Variants in ALK observed in about 807,000 individuals in gnomAD.
ALK encodes the protein ALK tyrosine kinase receptor.
In ALK, 74 loss-of-function variants were observed where a neutral mutation model predicts 163.1. The ratio of observed to expected loss-of-function variants is 0.45; its 90% CI spans 0.38 to 0.55. The LOEUF (loss-of-function observed/expected upper bound fraction) is 0.55, where lower values mean the gene tolerates loss of function less well. Ranked by LOEUF, ALK falls within the 20% of genes least tolerant of loss-of-function variation. The pLI is 0.00. For synonymous variants in ALK, 960 were observed against 843.2 expected, an observed-to-expected ratio of 1.14 and a Z score of -2.40; for missense variants, 2,063 against 2,105.3, an observed-to-expected ratio of 0.98 and a Z score of 0.39.
At chr2:29,531,860 C>G (rs912976121) in intron 4 of ALK, 55 bp downstream of exon 4, 12 of 1,593,754 alleles carry the variant, frequency 7.5e-6, no homozygotes, top group South Asian at 1.1e-5. Flanking sequence ...AAATGTGTAA[C>G]CAAAAGCCAA....
intron 4 of ALK, among the ~76,000 whole-genome samples, chr2:29,475,627 C>A (rs1299192376): frequency 6.6e-6 from 1 of 152,190 alleles, no homozygotes; most frequent in Admixed American, 6.5e-5. Flanking sequence ...AGTGGCTAAG[C>A]CCCTGCTAGC....
intron 4 of ALK, among the ~76,000 whole-genome samples, chr2:29,447,667 G>T (rs1441320807): frequency 6.6e-6 from 1 of 152,208 alleles, no homozygotes; most frequent in Non-Finnish European, 1.5e-5. Flanking sequence ...GTGGCTGGGG[G>T]AGAGGTGGAG....
At chr2:29,297,257 G>C (rs180968223) in intron 8 of ALK, among the ~76,000 whole-genome samples, 200 bp from the exon 9 acceptor site, 1 of 152,276 alleles carries the variant, frequency 6.6e-6, no homozygotes, top group Non-Finnish European at 1.5e-5. Context: ...ATAACTGAAC[G>C]AATCTGTTAA....
At chr2:29,702,383 A>G (rs1328992678) in intron 2 of ALK, among the ~76,000 whole-genome samples, 2 of 152,214 alleles carry the variant, frequency 1.3e-5, no homozygotes, top group Non-Finnish European at 2.9e-5. Context: ...AGCTGGGGGC[A>G]GGACAGGAGC....
chr2:29,785,536 A>G (rs1166077763), intron 1 of ALK, among the ~76,000 whole-genome samples: 1 of 152,278 alleles, frequency 6.6e-6, no homozygotes, highest in South Asian at 2.1e-4. Context: ...CAAAAGTTCC[A>G]TTTGTCCACA....
At chr2:29,567,210 G>C (rs555867831) in intron 3 of ALK, among the ~76,000 whole-genome samples, 1 of 152,174 alleles carries the variant, frequency 6.6e-6, no homozygotes, top group African/African-American at 2.4e-5. Flanking sequence ...AACACCTTTT[G>C]GTTGTCTTAC....
intron 1 of ALK, among the ~76,000 whole-genome samples, chr2:29,909,506 GAGAGAGAGAGAGAA>G (rs1174320761): frequency 6.6e-6 from 1 of 151,384 alleles, no homozygotes; most frequent in African/African-American, 2.4e-5. Context: ...GAGAGAGAGA[GAGAGAGAGAGAGAA>G]TGCTCCACAA....
intron 2 of ALK, among the ~76,000 whole-genome samples, chr2:29,697,446 C>A (rs1158627418): frequency 1.3e-5 from 2 of 152,176 alleles, no homozygotes; most frequent in African/African-American, 2.4e-5. Context: ...ACGTTTGCCC[C>A]ACTTTTAGGG....
intron 5 of ALK, among the ~76,000 whole-genome samples, chr2:29,359,526 G>A (rs1003188853): frequency 1.4e-4 from 21 of 152,144 alleles, no homozygotes; most frequent in Non-Finnish European, 2.6e-4. Flanking sequence ...TATTTCATTA[G>A]GATAATAAAA....
At chr2:29,845,832 TG>T (rs1183237674) in intron 1 of ALK, among the ~76,000 whole-genome samples, 1 of 152,232 alleles carries the variant, frequency 6.6e-6, no homozygotes, top group Non-Finnish European at 1.5e-5. Context: ...TCTTGGGTGC[TG>T]GTGCTCCAAG....
chr2:29,750,697 A>AAGGAAGGAAGGAAGGC lies in ALK; in HGVS notation c.668-33001_668-33000insGCCTTCCTTCCTTCCT, dbSNP rs1402085327. The stretch of plus-strand genomic sequence containing the variant: ...GAAGGAAGGAAGGAAGGAAGGAAGG[A>AAGGAAGGAAGGAAGGC]AGGCAGGCAGGCAGGAAGGAAGGAA... On this transcript the variant is annotated intron_variant, in intron 1 of 28. Transcript: ENST00000389048. Among the ~76,000 whole-genome samples, 95 of 84,586 alleles carry AAGGAAGGAAGGAAGGC rather than the reference A, an allele frequency of 1.1e-3. 1 individual carries two copies. The highest frequency in any genetic ancestry group is 3.5e-3 in the East Asian group (10 of 2,840). 55.5% of individuals were successfully genotyped at this position (84,586 alleles called of 152,430 possible). A position where few individuals can be genotyped will look rare whatever the true frequency, so the allele number is the denominator to read the frequency against.
intron 1 of ALK, among the ~76,000 whole-genome samples, chr2:29,861,713 C>G (rs1053313261): frequency 6.6e-6 from 1 of 152,106 alleles, no homozygotes; most frequent in Non-Finnish European, 1.5e-5. Context: ...TAAAGAAGAG[C>G]TTATACTAAT....
chr2:29,447,315 T>C (rs1435113497), intron 4 of ALK, among the ~76,000 whole-genome samples: 2 of 152,192 alleles, frequency 1.3e-5, no homozygotes, highest in African/African-American at 4.8e-5. Context: ...CAGCAGCACC[T>C]GGGCAGGGAG....
chr2:29,302,909 C>T (rs1666409633), intron 8 of ALK, among the ~76,000 whole-genome samples: 1 of 152,104 alleles, frequency 6.6e-6, no homozygotes, highest in African/African-American at 2.4e-5. Flanking sequence ...AGACATCAAA[C>T]TATAAAAATC....
At chr2:29,919,664 G>A (rs928380603) in intron 1 of ALK, among the ~76,000 whole-genome samples, 6 of 152,166 alleles carry the variant, frequency 3.9e-5, no homozygotes, top group Admixed American at 3.3e-4. Context: ...AGTAATCGGG[G>A]CATTTCAACT....
chr2:29,700,854 G>C (rs1018385191), intron 2 of ALK, among the ~76,000 whole-genome samples: 1 of 152,142 alleles, frequency 6.6e-6, no homozygotes, highest in Non-Finnish European at 1.5e-5. Flanking sequence ...AAACCCCCTG[G>C]CTGTAGAAGA....
intron 1 of ALK, among the ~76,000 whole-genome samples, chr2:29,870,682 A>G (rs1278476140): frequency 2.6e-5 from 4 of 152,268 alleles, no homozygotes; most frequent in African/African-American, 9.6e-5. Context: ...GAATAAATAA[A>G]AATATGAAAA....
At chr2:29,730,065 C>T (rs920654190) in intron 1 of ALK, among the ~76,000 whole-genome samples, 17 of 152,220 alleles carry the variant, frequency 1.1e-4, no homozygotes, top group African/African-American at 4.1e-4. Flanking sequence ...AAGCAGCTTG[C>T]ACCCTGGCAC....
intron 23 of ALK, among the ~76,000 whole-genome samples, chr2:29,217,096 TATGTG>T: frequency 1.4e-5 from 2 of 139,552 alleles, no homozygotes; most frequent in East Asian, 4.4e-4. Flanking sequence ...GGTATATGTC[TATGTG>T]GTGTGTCTGT....
Sources: gnomAD v4.1 joint callset for allele counts (sites outside exome capture counted in the v4.1 genomes callset) on GRCh38, gnomAD v4.1.1 for gene constraint, MANE v1.5 for transcripts, NCBI Gene and HGNC (gene_info 2026-07-23, HGNC 2026-07-21) for gene names.